ATP11C: variants seen among roughly 807,000 people sequenced by gnomAD.
The protein encoded by ATP11C is phospholipid-transporting ATPase IG.
In ATP11C, 36 loss-of-function variants were observed where a neutral mutation model predicts 97.4. The ratio of observed to expected loss-of-function variants is 0.37; its 90% CI spans 0.28 to 0.49. The LOEUF is 0.49. Ranked by LOEUF, ATP11C falls within the 20% of genes least tolerant of loss-of-function variation. The probability of loss-of-function intolerance (pLI) is 0.98; values close to 1 mark genes in which losing one functional copy is unlikely to be tolerated. For missense variants in ATP11C, 730 were observed against 824.6 expected, an observed-to-expected ratio of 0.89 and a Z score of 1.40; for synonymous variants, 275 against 290.9, an observed-to-expected ratio of 0.95 and a Z score of 0.56.
chrX:139,737,790 G>T, intron 28 of ATP11C, 126 bp downstream of exon 28: 1 of 717,903 alleles, frequency 1.4e-6, no homozygotes, highest in Non-Finnish European at 2.2e-6. Context: ...GAAATTAAGT[G>T]ATGAACCTGT....
intron 1 of ATP11C, among the ~76,000 whole-genome samples, chrX:139,866,720 AAAAC>A (rs1302911655): frequency 9.1e-6 from 1 of 109,764 alleles, no homozygotes; most frequent in Non-Finnish European, 1.9e-5. Flanking sequence ...CCCTGTTTCA[AAAAC>A]AAACAAAAAA....
chrX:139,893,893 TTC>T (rs2084767571), intron 1 of ATP11C, among the ~76,000 whole-genome samples: 1 of 107,768 alleles, frequency 9.3e-6, no homozygotes, highest in Non-Finnish European at 1.9e-5. Context: ...TTACTTATAA[TTC>T]TTTTTTTTTT....
chrX:139,749,966 T>C, intron 24 of ATP11C, 59 bp downstream of exon 24: 1 of 1,087,271 alleles, frequency 9.2e-7, no homozygotes, highest in East Asian at 3.0e-5. Context: ...CATCTGCAGA[T>C]AAAATGAAAA....
intron 9 of ATP11C, 151 bp downstream of exon 9, chrX:139,798,528 G>T: frequency 1.9e-6 from 1 of 516,109 alleles, no homozygotes; most frequent in Non-Finnish European, 3.2e-6. Context: ...GTCATATTTC[G>T]TCTTAGTTTA....
chrX:139,798,065 C>G (rs2082839167), intron 10 of ATP11C, among the ~76,000 whole-genome samples: 1 of 111,963 alleles, frequency 8.9e-6, no homozygotes. Flanking sequence ...GAGAGGTTAA[C>G]ATGAATTACT....
intron 5 of ATP11C, among the ~76,000 whole-genome samples, chrX:139,805,946 T>G: frequency 8.9e-6 from 1 of 112,391 alleles, no homozygotes; most frequent in East Asian, 2.8e-4. Flanking sequence ...ACATAAACAC[T>G]TATGTTGCTT....
At chrX:139,926,432 G>A (rs1292124804) in intron 1 of ATP11C, among the ~76,000 whole-genome samples, 1 of 111,928 alleles carries the variant, frequency 8.9e-6, no homozygotes, top group African/African-American at 3.3e-5. Context: ...TCACTCAGTG[G>A]GCTAGTTCTT....
chrX:139,934,614 G>A (rs1033734947), upstream of ATP11C, among the ~76,000 whole-genome samples: 3 of 99,927 alleles, frequency 3.0e-5, no homozygotes, highest in Non-Finnish European at 4.0e-5. Flanking sequence ...GTGCAGTGGC[G>A]CGATCTTGGC....
chrX:139,824,964 AGC>A (rs1315614668), intron 2 of ATP11C, among the ~76,000 whole-genome samples: 2 of 112,060 alleles, frequency 1.8e-5, no homozygotes, highest in African/African-American at 6.5e-5. Context: ...AAATACAAAC[AGC>A]CAAGACAATG....
chrX:139,809,245 T>C (rs940824775), intron 5 of ATP11C, among the ~76,000 whole-genome samples: 1 of 111,867 alleles, frequency 8.9e-6, no homozygotes, highest in Admixed American at 9.4e-5. Context: ...TTAATCAAAA[T>C]AGTCAAAAGT....
At chrX:139,819,984 G>C (rs750085226) in intron 2 of ATP11C, among the ~76,000 whole-genome samples, 9 of 111,893 alleles carry the variant, frequency 8.0e-5, no homozygotes, top group South Asian at 3.7e-4. Context: ...TCAGGAGTTT[G>C]AGACCAGCCT....
intron 18 of ATP11C, among the ~76,000 whole-genome samples, chrX:139,778,305 TAAAGGA>T (rs2082388212): frequency 1.8e-5 from 2 of 111,670 alleles, no homozygotes; most frequent in African/African-American, 6.5e-5. Flanking sequence ...AAGAAATGCT[TAAAGGA>T]GCTCTAAACA....
chrX:139,762,498 A>G (rs2082057089), intron 21 of ATP11C, among the ~76,000 whole-genome samples: 1 of 111,400 alleles, frequency 9.0e-6, no homozygotes, highest in Non-Finnish European at 1.9e-5. Flanking sequence ...TAGGAGTTCA[A>G]TGAGAAGACG....
intron 1 of ATP11C, among the ~76,000 whole-genome samples, chrX:139,870,706 ATAGT>A (rs1433099538): frequency 8.9e-6 from 1 of 112,630 alleles, no homozygotes; most frequent in Non-Finnish European, 1.9e-5. Flanking sequence ...TTTGTAATAT[ATAGT>A]AAGTTAAAAA....
chrX:139,857,453 G>GACTCATTCCGATCACCTGCTCCACCCTA (rs1402549775), intron 1 of ATP11C, among the ~76,000 whole-genome samples: 6 of 111,184 alleles, frequency 5.4e-5, no homozygotes, highest in African/African-American at 9.8e-5. Flanking sequence ...GCTCCACCCT[G>GACTCATTCCGATCACCTGCTCCACCCTA]ACTCATTCCG....
At chrX:139,747,044 C>T (rs1378147748) in intron 24 of ATP11C, among the ~76,000 whole-genome samples, 1 of 111,166 alleles carries the variant, frequency 9.0e-6, no homozygotes, top group East Asian at 2.8e-4. Context: ...GTACATGCAG[C>T]GATCTGAAAC....
Position 139,788,969 on chromosome X carries a change from G to A in ATP11C, c.1368+358C>T, listed in dbSNP as rs1019490955. Among the ~76,000 whole-genome samples, 13 of 111,624 alleles carry A rather than the reference G, an allele frequency of 1.2e-4. 1 individual carries two copies. Among genetic ancestry groups the A allele is most frequent in the African/African-American group, 3.6e-4 (11 of 30,649 alleles). ...TAATCCCAGCACTTTGGGGGACGGA[G>A]GGTGGTGGATTACCTGAGGTCAGGA... On this transcript the variant is annotated intron_variant, in intron 13 of 29. Coordinates refer to ENST00000682941, the MANE Select transcript of ATP11C (RefSeq NM_001353812.2).
At chrX:139,879,450 A>C (rs913004497) in intron 1 of ATP11C, among the ~76,000 whole-genome samples, 1 of 111,484 alleles carries the variant, frequency 9.0e-6, no homozygotes, top group Non-Finnish European at 1.9e-5. Flanking sequence ...ATATGGTCTC[A>C]CTTATATGTG....
rs759002450 is a variant in ATP11C at position 139,814,855 on chromosome X, A to G, written c.426+23T>C. ...AATGGTGTATTTTTACCATTAAAAA[A>G]GGAGTGGACTAAGAAAAAATACCTT... On this transcript the variant is annotated intron_variant, in intron 5 of 29. Transcript: ENST00000682941. 1.4e-5 allele frequency: 13 copies of G among 939,056 alleles called. No homozygotes were observed. In the Admixed American group the frequency reaches 3.9e-4, roughly 28 times the overall value. The allele number at this position is 939,056 out of a possible 1,213,427, so 77.4% of individuals were successfully genotyped here.
Sources: gnomAD v4.1 joint callset for allele counts (sites outside exome capture counted in the v4.1 genomes callset) on GRCh38, gnomAD v4.1.1 for gene constraint, MANE v1.5 for transcripts, NCBI Gene and HGNC (gene_info 2026-07-23, HGNC 2026-07-21) for gene names.